The following SIPA1L1 variants were observed in gnomAD, a reference collection of about 807,000 sequenced individuals.
SIPA1L1 encodes signal-induced proliferation-associated 1-like protein 1.
SIPA1L1 carries 26 observed loss-of-function variants against 162.7 expected under a neutral mutation model. The ratio of observed to expected loss-of-function variants is 0.16; its 90% CI spans 0.12 to 0.22. SIPA1L1 has a LOEUF of 0.22. Among genes scored for constraint, SIPA1L1 ranks in the 10% least tolerant of loss-of-function variants. The pLI is 1.00. For missense variants in SIPA1L1, 1,874 were observed against 2,241.0 expected (o/e 0.84, Z 3.31); for synonymous variants, 829 against 837.4 (o/e 0.99, Z 0.17).
At chr14:71,651,132 C>T (rs2042585151) in intron 8 of SIPA1L1, among the ~76,000 whole-genome samples, 1 of 152,192 alleles carries the variant, frequency 6.6e-6, no homozygotes, top group African/African-American at 2.4e-5. Flanking sequence ...GTCCAGTCCC[C>T]AAGTTGTCAG....
chr14:71,352,357 T>G (rs1346124056), intron 2 of SIPA1L1, among the ~76,000 whole-genome samples: 1 of 152,072 alleles, frequency 6.6e-6, no homozygotes, highest in Non-Finnish European at 1.5e-5. Flanking sequence ...TAATCAGCAC[T>G]CAAATTAAGA....
At chr14:71,528,819 A>G (rs903826010) in intron 3 of SIPA1L1, 6 of 152,150 alleles carry the variant, frequency 3.9e-5, no homozygotes, top group Non-Finnish European at 8.8e-5. Context: ...AAATATTATA[A>G]TACTACAGAC....
intron 2 of SIPA1L1, among the ~76,000 whole-genome samples, chr14:71,510,767 A>G (rs1409392205): frequency 6.6e-6 from 1 of 152,194 alleles, no homozygotes; most frequent in Non-Finnish European, 1.5e-5. Flanking sequence ...GTATGAACCA[A>G]TCGATGAGAC....
intron 7 of SIPA1L1, among the ~76,000 whole-genome samples, chr14:71,642,029 T>C (rs2041765527): frequency 6.6e-6 from 1 of 152,188 alleles, no homozygotes; most frequent in Admixed American, 6.5e-5. Context: ...ATCAATAAAG[T>C]TGATTTAAAA....
intron 2 of SIPA1L1, among the ~76,000 whole-genome samples, chr14:71,501,582 GA>G (rs2050218009): frequency 6.6e-6 from 1 of 152,174 alleles, no homozygotes; most frequent in East Asian, 1.9e-4. Context: ...GGTTACTGAG[GA>G]CTTATGAGGG....
intron 2 of SIPA1L1, among the ~76,000 whole-genome samples, chr14:71,372,708 T>C (rs1480635459): frequency 6.6e-6 from 1 of 152,152 alleles, no homozygotes; most frequent in Non-Finnish European, 1.5e-5. Context: ...ATTATGGTTG[T>C]TTGGCAAGTT....
chr14:71,411,036 C>G (rs1306095685), intron 2 of SIPA1L1, among the ~76,000 whole-genome samples: 1 of 152,072 alleles, frequency 6.6e-6, no homozygotes, highest in Non-Finnish European at 1.5e-5. Flanking sequence ...TCAGAATGAT[C>G]AGGGAAAAGA....
At chr14:71,553,571 T>G (rs2056070155) in intron 4 of SIPA1L1, among the ~76,000 whole-genome samples, 1 of 152,234 alleles carries the variant, frequency 6.6e-6, no homozygotes, top group African/African-American at 2.4e-5. Context: ...TCAGAGCTTA[T>G]TTTTTCTTAG....
At chr14:71,348,254 C>A (rs2036364789) in intron 2 of SIPA1L1, among the ~76,000 whole-genome samples, 1 of 152,172 alleles carries the variant, frequency 6.6e-6, no homozygotes, top group Admixed American at 6.5e-5. Flanking sequence ...TCTTCTGCAC[C>A]TTTGCAATCA....
chr14:71,552,290 G>C lies in SIPA1L1; in HGVS notation c.-303+22920G>C, dbSNP rs376570849. ...CATAGCTATTATTACTACCACAAAA[G>C]GTACAGAATATCATTGATATTATCT... On this transcript the variant is annotated intron_variant, in intron 4 of 23. Coordinates refer to ENST00000381232, the MANE Select transcript of SIPA1L1 (RefSeq NM_001386936.1). Among the ~76,000 whole-genome samples, 71 of 152,140 alleles carry C rather than the reference G, an allele frequency of 4.7e-4. 2 individuals are homozygous for C. In the East Asian group the frequency reaches 9.8e-3, roughly 21 times the overall value.
At chr14:71,367,303 CTTT>C (rs148859626) in intron 2 of SIPA1L1, among the ~76,000 whole-genome samples, 46 of 130,228 alleles carry the variant, frequency 3.5e-4, no homozygotes, top group African/African-American at 1.2e-3. Context: ...ACATTCATTG[CTTT>C]TTTTTTTTTT....
intron 12 of SIPA1L1, among the ~76,000 whole-genome samples, chr14:71,677,823 G>A (rs1407818877): frequency 7.9e-5 from 12 of 152,286 alleles, no homozygotes; most frequent in African/African-American, 2.6e-4. Flanking sequence ...GTTCTGTTCT[G>A]TTGGTCTATA....
At chr14:71,435,783 G>C (rs900697546) in intron 2 of SIPA1L1, among the ~76,000 whole-genome samples, 1 of 152,198 alleles carries the variant, frequency 6.6e-6, no homozygotes, top group African/African-American at 2.4e-5. Flanking sequence ...CTAGTTTACA[G>C]TCCCACCAAC....
intron 4 of SIPA1L1, among the ~76,000 whole-genome samples, chr14:71,529,992 T>G (rs1238012856): frequency 6.6e-6 from 1 of 152,134 alleles, no homozygotes. Flanking sequence ...CCACACAGGG[T>G]GGAGGACGGA....
intron 2 of SIPA1L1, among the ~76,000 whole-genome samples, chr14:71,494,111 CTGTTT>C: frequency 6.6e-6 from 1 of 152,184 alleles, no homozygotes; most frequent in East Asian, 1.9e-4. Context: ...AATTTTTGTT[CTGTTT>C]TATTTTGTTT....
chr14:71,537,928 A>C (rs1332058477), intron 4 of SIPA1L1, among the ~76,000 whole-genome samples: 3 of 152,168 alleles, frequency 2.0e-5, no homozygotes, highest in Non-Finnish European at 4.4e-5. Flanking sequence ...CCATTTTCTC[A>C]TCAGGGTCTG....
intron 5 of SIPA1L1, among the ~76,000 whole-genome samples, chr14:71,590,988 C>T (rs1286125375): frequency 6.6e-6 from 1 of 152,132 alleles, no homozygotes; most frequent in Non-Finnish European, 1.5e-5. Context: ...AAACTAACCC[C>T]TAGCTGAGAA....
chr14:71,547,524 C>A (rs996341289), intron 4 of SIPA1L1, among the ~76,000 whole-genome samples: 1 of 152,030 alleles, frequency 6.6e-6, no homozygotes, highest in Non-Finnish European at 1.5e-5. Flanking sequence ...GAACTCCGTA[C>A]CTCAGGTGAT....
intron 4 of SIPA1L1, among the ~76,000 whole-genome samples, chr14:71,544,403 A>G (rs2054981694): frequency 6.6e-6 from 1 of 151,834 alleles, no homozygotes; most frequent in African/African-American, 2.4e-5. Flanking sequence ...TATTATGAAT[A>G]CTTTTCCTTG....
Sources: allele counts gnomAD v4.1 joint callset (sites outside exome capture counted in the v4.1 genomes callset), GRCh38; gene constraint gnomAD v4.1.1; transcripts MANE v1.5; gene names NCBI Gene and HGNC (gene_info 2026-07-23, HGNC 2026-07-21).